The following DLG2 variants were observed in gnomAD, a reference collection of about 807,000 sequenced individuals.
DLG2 encodes disks large homolog 2.
In DLG2, 45 loss-of-function variants were observed where a neutral mutation model predicts 132.5. The ratio of observed to expected loss-of-function variants is 0.34; its 90% confidence interval spans 0.27 to 0.44. The LOEUF (loss-of-function observed/expected upper bound fraction) is 0.44, where lower values mean the gene tolerates loss of function less well. Among genes scored for constraint, DLG2 ranks in the 20% least tolerant of loss-of-function variants. The pLI is 1.00. For synonymous variants in DLG2, 424 were observed against 419.6 expected, an observed-to-expected ratio of 1.01 and a Z score of -0.13; for missense variants, 1,045 against 1,196.9, an observed-to-expected ratio of 0.87 and a Z score of 1.87.
chr11:85,557,851 A>C (rs1299979668), intron 3 of DLG2, among the ~76,000 whole-genome samples: 3 of 151,886 alleles, frequency 2.0e-5, no homozygotes, highest in Non-Finnish European at 4.4e-5. Context: ...ATTAGATAAA[A>C]ATCCTAGAAG....
intron 7 of DLG2, among the ~76,000 whole-genome samples, chr11:84,270,749 C>A (rs1598782878): frequency 6.6e-6 from 1 of 152,288 alleles, no homozygotes; most frequent in Non-Finnish European, 1.5e-5. Flanking sequence ...TGCTTACGAC[C>A]TTTTCAGGTC....
At chr11:83,948,886 T>C (rs2084731532) in intron 14 of DLG2, among the ~76,000 whole-genome samples, 1 of 152,204 alleles carries the variant, frequency 6.6e-6, no homozygotes. Flanking sequence ...ATTGTTATGC[T>C]AGACAAATAC....
chr11:84,819,076 T>TACGCACACACACACACAC (rs2077385509), intron 6 of DLG2, among the ~76,000 whole-genome samples: 1 of 129,420 alleles, frequency 7.7e-6, no homozygotes, highest in Non-Finnish European at 1.6e-5. Context: ...CACTCACAAA[T>TACGCACACACACACACAC]ACACACACAC....
chr11:83,670,790 T>C (rs952117099), intron 18 of DLG2, among the ~76,000 whole-genome samples: 4 of 152,172 alleles, frequency 2.6e-5, no homozygotes, highest in Non-Finnish European at 4.4e-5. Context: ...TTTTTGGGCA[T>C]GTACATGTTA....
intron 6 of DLG2, among the ~76,000 whole-genome samples, chr11:84,878,429 C>A (rs140913366): frequency 1.3e-5 from 2 of 152,058 alleles, no homozygotes; most frequent in African/African-American, 4.8e-5. Context: ...AGCTGGAAAC[C>A]ATCATTCTCA....
chr11:84,992,165 T>C (rs1006686593), intron 6 of DLG2, among the ~76,000 whole-genome samples: 1 of 152,170 alleles, frequency 6.6e-6, no homozygotes. Context: ...TCATGCGTCT[T>C]TTTCTTGGGG....
At chr11:84,394,478 A>C (rs2098804252) in intron 7 of DLG2, among the ~76,000 whole-genome samples, 1 of 149,580 alleles carries the variant, frequency 6.7e-6, no homozygotes, top group Non-Finnish European at 1.5e-5. Flanking sequence ...CCACCTTACC[A>C]CTCTTCTATT....
chr11:84,724,573 A>G (rs1000328160), intron 6 of DLG2, among the ~76,000 whole-genome samples: 2 of 152,118 alleles, frequency 1.3e-5, no homozygotes, highest in Non-Finnish European at 2.9e-5. Context: ...TTTTTTCTGC[A>G]AAAAACCTTT....
intron 6 of DLG2, among the ~76,000 whole-genome samples, chr11:85,014,091 T>C (rs1393399773): frequency 6.6e-6 from 1 of 152,128 alleles, no homozygotes; most frequent in Non-Finnish European, 1.5e-5. Flanking sequence ...AACAAGGATA[T>C]CAACAATAAA....
At chr11:84,842,276 CTT>C (rs960893879) in intron 6 of DLG2, among the ~76,000 whole-genome samples, 4 of 151,956 alleles carry the variant, frequency 2.6e-5, no homozygotes, top group African/African-American at 9.7e-5. Flanking sequence ...TCATAACAAT[CTT>C]GCTTGGTAGG....
chr11:84,444,628 C>A (rs1384513740), intron 7 of DLG2, among the ~76,000 whole-genome samples: 1 of 151,868 alleles, frequency 6.6e-6, no homozygotes, highest in Non-Finnish European at 1.5e-5. Flanking sequence ...AACAATTATC[C>A]TATTTTTATT....
intron 18 of DLG2, among the ~76,000 whole-genome samples, chr11:83,774,047 T>A (rs865804614): frequency 6.6e-6 from 1 of 152,078 alleles, no homozygotes; most frequent in Non-Finnish European, 1.5e-5. Flanking sequence ...CTGGCTGGAG[T>A]GGGACTGGGG....
At chr11:84,268,133 T>C (rs939683102) in intron 7 of DLG2, among the ~76,000 whole-genome samples, 1 of 152,188 alleles carries the variant, frequency 6.6e-6, no homozygotes, top group African/African-American at 2.4e-5. Flanking sequence ...TTGTTCCAGT[T>C]GTTTTTAACC....
intron 6 of DLG2, among the ~76,000 whole-genome samples, chr11:84,605,493 A>G (rs1449924933): frequency 1.3e-5 from 2 of 151,652 alleles, no homozygotes; most frequent in Non-Finnish European, 2.9e-5. Context: ...AAAATGCCAC[A>G]TTACTTTAAT....
At chr11:85,286,826 C>T (rs989993731) in intron 3 of DLG2, among the ~76,000 whole-genome samples, 6 of 151,956 alleles carry the variant, frequency 3.9e-5, no homozygotes, top group African/African-American at 1.2e-4. Flanking sequence ...AATGGTTGAT[C>T]GTAGGACTGG....
At chr11:85,041,593 G>T (rs112346852) in intron 6 of DLG2, among the ~76,000 whole-genome samples, 2 of 151,822 alleles carry the variant, frequency 1.3e-5, no homozygotes, top group Non-Finnish European at 2.9e-5. Context: ...GTTTTAGAGA[G>T]GGATAATACA....
intron 6 of DLG2, among the ~76,000 whole-genome samples, chr11:84,949,427 G>A (rs532942046): frequency 3.3e-5 from 5 of 151,636 alleles, no homozygotes; most frequent in South Asian, 2.1e-4. Flanking sequence ...TTTATTAGGC[G>A]GGAATTTCCT....
intron 6 of DLG2, among the ~76,000 whole-genome samples, chr11:84,556,065 G>A (rs1339347749): frequency 6.6e-6 from 1 of 152,142 alleles, no homozygotes; most frequent in Non-Finnish European, 1.5e-5. Context: ...CATTCCAAAT[G>A]TCCATGTCTT....
At chr11:83,564,524 G>A (rs2096668214) in intron 19 of DLG2, among the ~76,000 whole-genome samples, 1 of 152,148 alleles carries the variant, frequency 6.6e-6, no homozygotes, top group African/African-American at 2.4e-5. Context: ...TTCATTAGGG[G>A]AAATTCTGCT....
Sources: allele counts gnomAD v4.1 joint callset (sites outside exome capture counted in the v4.1 genomes callset), GRCh38; gene constraint gnomAD v4.1.1; transcripts MANE v1.5; gene names NCBI Gene and HGNC (gene_info 2026-07-23, HGNC 2026-07-21).